The following NPHP3 variants were observed in gnomAD, a reference collection of about 807,000 sequenced individuals.
NPHP3 encodes nephrocystin-3.
A neutral mutation model predicts 171.9 loss-of-function variants in NPHP3; 123 were observed. The ratio of observed to expected loss-of-function variants is 0.72; its 90% CI spans 0.62 to 0.83. NPHP3 has a LOEUF of 0.83. Among genes scored for constraint, NPHP3 ranks in the 40% least tolerant of loss-of-function variants. The pLI is 0.00. For missense variants in NPHP3, 1,506 were observed against 1,591.9 expected (o/e 0.95, Z 0.92); for synonymous variants, 558 against 579.2 (o/e 0.96, Z 0.52).
At chr3:132,702,234 C>A (rs1939629980) in intron 9 of NPHP3, among the ~76,000 whole-genome samples, 1 of 152,094 alleles carries the variant, frequency 6.6e-6, no homozygotes. Flanking sequence ...TAGCAGACCA[C>A]CTAGATCTCC....
chr3:132,701,597 A>G (rs111677753), intron 9 of NPHP3, 64 bp from the exon 10 acceptor site: 2 of 1,002,924 alleles, frequency 2.0e-6, no homozygotes, highest in African/African-American at 1.6e-5. Flanking sequence ...TGAAGAGTCA[A>G]CTTCTGATTA....
At chr3:132,708,381 G>T in intron 6 of NPHP3, 124 bp from the exon 7 acceptor site, 1 of 894,416 alleles carries the variant, frequency 1.1e-6, no homozygotes, top group Non-Finnish European at 1.8e-6. Flanking sequence ...AGGTCCAACT[G>T]CACAACAAGT....
chr3:132,696,900 T>C, intron 14 of NPHP3, 87 bp from the exon 15 acceptor site: 2 of 1,001,558 alleles, frequency 2.0e-6, no homozygotes, highest in Non-Finnish European at 3.1e-6. Flanking sequence ...CATCAACAAG[T>C]ACCCCGACAG....
At chr3:132,682,876 T>C (rs1300568506) in intron 25 of NPHP3, 58 bp from the exon 26 acceptor site, 6 of 1,041,170 alleles carry the variant, frequency 5.8e-6, no homozygotes, top group Non-Finnish European at 9.1e-6. Flanking sequence ...TAATGTATTC[T>C]AGACTAAGCT....
chr3:132,703,720 C>T (rs147491019), intron 9 of NPHP3, among the ~76,000 whole-genome samples: 176 of 152,168 alleles, frequency 1.2e-3, no homozygotes, highest in African/African-American at 4.2e-3. Context: ...GCTGGGATTA[C>T]AGGTGCATAC....
intron 8 of NPHP3, among the ~76,000 whole-genome samples, chr3:132,704,685 AATAGTT>A (rs1451904719): frequency 6.6e-6 from 1 of 152,220 alleles, no homozygotes; most frequent in Non-Finnish European, 1.5e-5. Context: ...CTGGCTGGTG[AATAGTT>A]ATAAAGTACT....
intron 10 of NPHP3, 25 bp from the exon 11 acceptor site, chr3:132,700,473 A>G (rs976619834): frequency 1.5e-6 from 2 of 1,368,786 alleles, no homozygotes; most frequent in Non-Finnish European, 2.1e-6. Flanking sequence ...CAGAACTTTT[A>G]TAAAACCGAT....
intron 6 of NPHP3, among the ~76,000 whole-genome samples, chr3:132,711,518 T>C (rs1186869834): frequency 6.6e-6 from 1 of 152,030 alleles, no homozygotes; most frequent in Non-Finnish European, 1.5e-5. Context: ...AAATAAATGT[T>C]AAAGTGTAAG....
At position 132,701,542 on chromosome 3, in the gene NPHP3, A is replaced by G; in HGVS notation, c.1525-9T>C. 6.3e-7 allele frequency: 1 copy of G among 1,579,948 alleles called. No individual in the cohort carries two copies. The highest frequency in any genetic ancestry group is 2.2e-5 in the East Asian group (1 of 44,666). On this transcript the variant is annotated splice_polypyrimidine_tract_variant and intron_variant, in intron 9 of 26. Coordinates refer to ENST00000337331, the MANE Select transcript of NPHP3 (RefSeq NM_153240.5). ...TTAAGGCGTTGGTAATACTAGAAAA[A>G]AAAATGAATTTACATTGTAAGGAAG...
At chr3:132,710,910 T>C (rs1939891438) in intron 6 of NPHP3, among the ~76,000 whole-genome samples, 1 of 152,140 alleles carries the variant, frequency 6.6e-6, no homozygotes, top group Non-Finnish European at 1.5e-5. Flanking sequence ...TACAACTAAG[T>C]ATGTTGTTAG....
At chr3:132,709,996 C>T (rs1465458922) in intron 6 of NPHP3, among the ~76,000 whole-genome samples, 1 of 152,106 alleles carries the variant, frequency 6.6e-6, no homozygotes, top group Non-Finnish European at 1.5e-5. Flanking sequence ...ACAAAACTGA[C>T]CCATGGGGCT....
chr3:132,714,708 A>T (rs1168386769), intron 5 of NPHP3, among the ~76,000 whole-genome samples: 2 of 152,168 alleles, frequency 1.3e-5, no homozygotes, highest in Non-Finnish European at 2.9e-5. Context: ...CAGCCCAGGC[A>T]ACAGAGCAAG....
chr3:132,702,606 G>A (rs879582094), intron 9 of NPHP3, among the ~76,000 whole-genome samples: 8 of 152,210 alleles, frequency 5.3e-5, no homozygotes, highest in Non-Finnish European at 8.8e-5. Context: ...TTAAAAAAGT[G>A]TATAGTAAGT....
Position 132,694,855 on chromosome 3 carries a change from T to C in NPHP3, c.2282A>G (p.Asn761Ser). The change falls in exon 16 of 27, where the codon AAT becomes AGT. Residue 761 changes from asparagine to serine, a missense_variant. By Grantham distance (46) the Asn-to-Ser change is conservative. Around this residue, in one of 3 missense-constraint regions of NPHP3, gnomAD observed 930 missense variants for 924.9 expected, o/e 1.01. Transcript: ENST00000337331. ...VLHSIRESMA[N>S]DVDKELMKQI... ...CTTCATTAGCTCTTTATCCACATCA[T>C]TTGCCATGGACTCCCGGATAGAGTG... is the stretch of plus-strand genomic sequence containing the variant. 1.2e-6 allele frequency: 2 copies of C among 1,613,708 alleles called. No individual in the cohort carries two copies. The highest frequency in any genetic ancestry group is 1.7e-6 in the Non-Finnish European group (2 of 1,179,926).
chr3:132,699,406 C>G lies in NPHP3; in HGVS notation c.1932G>C (p.Val644=). 6.2e-7 allele frequency: 1 copy of G among 1,612,688 alleles called. No homozygotes were observed. The highest frequency in any genetic ancestry group is 8.5e-7 in the Non-Finnish European group (1 of 1,179,878). The change falls in exon 13 of 27, where the codon GTG becomes GTC. Residue 644 remains valine, a synonymous_variant. Coordinates refer to ENST00000337331, the MANE Select transcript of NPHP3 (RefSeq NM_153240.5). ...HMKWLIDPLP[V]NVRVIVSVNV... is the part of the protein sequence containing the mutation. ...TCACAGAAACAATTACTCTTACATT[C>G]ACTGGCAGTGGATCTATCAGCCATT...
intron 6 of NPHP3, among the ~76,000 whole-genome samples, chr3:132,709,623 A>G (rs1939856300): frequency 2.0e-5 from 3 of 152,110 alleles, no homozygotes; most frequent in Admixed American, 2.0e-4. Context: ...GGACACTGCG[A>G]CCAATTCCCC....
chr3:132,709,715 G>T (rs1016507552), intron 6 of NPHP3, among the ~76,000 whole-genome samples: 7 of 152,140 alleles, frequency 4.6e-5, no homozygotes, highest in African/African-American at 7.2e-5. Flanking sequence ...GTGTAGAAGG[G>T]CGATATTGTA....
At chr3:132,707,486 T>C (rs1939785719) in intron 7 of NPHP3, among the ~76,000 whole-genome samples, 1 of 151,762 alleles carries the variant, frequency 6.6e-6, no homozygotes, top group Non-Finnish European at 1.5e-5. Context: ...AAAAAAAGTC[T>C]CCTCCTGACA....
rs1412669394 is a variant in NPHP3, at chr3:132,722,162, CCCA to C, written c.191_193del (p.Val64del). On this transcript the variant is annotated inframe_deletion, in exon 1 of 27. Coordinates refer to ENST00000337331, the MANE Select transcript of NPHP3 (RefSeq NM_153240.5). Reference sequence around the variant, plus strand: ...GCTGGCCCCCAGCAGCCCGCCCGCGCCCACCCCGCGGGGCAGCGACCCGGGCCC... The same window carrying C: ...GCTGGCCCCCAGCAGCCCGCCCGCGCCCCCGCGGGGCAGCGACCCGGGCCC... 6.3e-7 allele frequency: 1 copy of C among 1,578,988 alleles called. No homozygotes were observed. Among genetic ancestry groups the C allele is most frequent in the Non-Finnish European group, 8.5e-7 (1 of 1,169,654 alleles).
Sources: allele counts gnomAD v4.1 joint callset (sites outside exome capture counted in the v4.1 genomes callset), GRCh38; gene constraint gnomAD v4.1.1; regional missense constraint gnomAD v4.1.1; transcripts MANE v1.5; gene names NCBI Gene and HGNC (gene_info 2026-07-23, HGNC 2026-07-21).